Variants in PTGFRN observed in about 807,000 individuals in gnomAD.
The protein encoded by PTGFRN is prostaglandin F2 receptor negative regulator.
A neutral mutation model predicts 83.2 loss-of-function variants in PTGFRN; 35 were observed. That is an observed-to-expected ratio of 0.42 (90% CI 0.32 to 0.56). The LOEUF (loss-of-function observed/expected upper bound fraction) is 0.56, where lower values mean the gene tolerates loss of function less well. PTGFRN is among the 20% of genes least tolerant of loss of function. PTGFRN has a pLI of 0.11. For missense variants in PTGFRN, 1,051 were observed against 1,179.5 expected, an observed-to-expected ratio of 0.89 and a Z score of 1.60; for synonymous variants, 519 against 498.6, an observed-to-expected ratio of 1.04 and a Z score of -0.55.
intron 1 of PTGFRN, among the ~76,000 whole-genome samples, chr1:116,927,789 C>A (rs1458930007): frequency 1.3e-5 from 2 of 152,048 alleles, no homozygotes; most frequent in Non-Finnish European, 2.9e-5. Context: ...CCCACTTCAG[C>A]CTTCCAAAGT....
chr1:116,911,840 G>A (rs184701399), intron 1 of PTGFRN, among the ~76,000 whole-genome samples: 4 of 152,234 alleles, frequency 2.6e-5, no homozygotes, highest in Admixed American at 1.3e-4. Flanking sequence ...TTCACTCTGG[G>A]ACCCTTGTAA....
In PTGFRN at chr1:116,910,029, C is replaced by G; in HGVS notation, c.-175C>G. 1.4e-6 allele frequency: 1 copy of G among 738,430 alleles called. No individual in the cohort carries two copies. The highest frequency in any genetic ancestry group is 2.3e-6 in the Non-Finnish European group (1 of 436,864). 45.7% of individuals were successfully genotyped at this position (738,430 alleles called of 1,614,324 possible). A position where few individuals can be genotyped will look rare whatever the true frequency, so the allele number is the denominator to read the frequency against. On this transcript the variant is annotated 5_prime_UTR_variant, in exon 1 of 9. Transcript: ENST00000393203. ...GGAGGCGGGAGGGAGCGAGCGGAGCCAGGGGCGCACGTACGCCCCAGCGCT... is the reference window on the plus strand; with the variant it reads ...GGAGGCGGGAGGGAGCGAGCGGAGCGAGGGGCGCACGTACGCCCCAGCGCT...
intron 1 of PTGFRN, among the ~76,000 whole-genome samples, chr1:116,917,622 C>T (rs1649436453): frequency 1.3e-5 from 2 of 152,076 alleles, no homozygotes; most frequent in Non-Finnish European, 2.9e-5. Context: ...TCTATATGTT[C>T]CCTTGTTCCC....
intron 7 of PTGFRN, among the ~76,000 whole-genome samples, chr1:116,980,517 A>G (rs1208092977): frequency 1.3e-5 from 2 of 152,238 alleles, no homozygotes; most frequent in East Asian, 3.8e-4. Context: ...ATGGAATACT[A>G]TGCAGCCATA....
At chr1:116,969,658 T>C (rs1557747083) in intron 6 of PTGFRN, among the ~76,000 whole-genome samples, 2 of 152,178 alleles carry the variant, frequency 1.3e-5, no homozygotes, top group Non-Finnish European at 2.9e-5. Context: ...TTGATGGGGA[T>C]TGTGTTAACT....
chr1:116,970,605 C>T (rs954405700), intron 6 of PTGFRN, among the ~76,000 whole-genome samples: 10 of 152,206 alleles, frequency 6.6e-5, no homozygotes, highest in African/African-American at 1.4e-4. Flanking sequence ...CAGATAAAAC[C>T]GCTGTAGCTT....
rs1349369647 is a variant in PTGFRN, at chr1:116,914,181, GTT to G, written c.49+3931_49+3932del. Among the ~76,000 whole-genome samples the G allele has an allele frequency of 4.6e-5, 7 of 152,324 alleles. No individual in the cohort carries two copies. The South Asian group carries it at 1.5e-3, about 32-fold the overall frequency. On this transcript the variant is annotated intron_variant, in intron 1 of 8. Transcript: ENST00000393203. ...GCAGTTCTGCTGTCTTCAACTCACA[GTT>G]TCTAAGATCACTTTGGTAGTCGTCA...
At chr1:116,940,196 A>G (rs6700778) in intron 1 of PTGFRN, among the ~76,000 whole-genome samples, 22,925 of 152,200 alleles carry the variant, frequency 0.15, 1,969 homozygotes, top group African/African-American at 0.24. Flanking sequence ...TTGCCTCACA[A>G]TGCCAGAGGC....
In PTGFRN at chr1:116,984,549, G is replaced by A; in HGVS notation, c.2168-131G>A. ...GCCTTCATCATAGGGCTGTTGTGAG[G>A]ATCCAGTGAGACCGAAGGCATGTAG... is the stretch of plus-strand genomic sequence containing the variant. On this transcript the variant is annotated intron_variant, in intron 7 of 8. Transcript: ENST00000393203. 1.0e-5 allele frequency: 8 copies of A among 794,284 alleles called. No homozygotes were observed. The South Asian group carries it at 1.3e-4, about 12-fold the overall frequency. 49.2% of individuals were successfully genotyped at this position (794,284 alleles called of 1,614,324 possible).
chr1:116,986,976 G>T lies in PTGFRN; in HGVS notation c.*9G>T. The T allele has an allele frequency of 1.2e-6, 2 of 1,614,012 alleles. No individual in the cohort carries two copies. Among genetic ancestry groups the T allele is most frequent in the Non-Finnish European group, 1.7e-6 (2 of 1,179,982 alleles). ...CGATGGAGATGGACTAGGCTGGCCC[G>T]GGAGGGGAGTGACAGAGGGACGTTC... On this transcript the variant is annotated 3_prime_UTR_variant, in exon 9 of 9. Transcript: ENST00000393203.
chr1:116,944,617 C>T, intron 2 of PTGFRN, 62 bp from the exon 3 acceptor site: 10 of 1,335,782 alleles, frequency 7.5e-6, no homozygotes, highest in Non-Finnish European at 9.6e-6. Context: ...CAGCGGTGGG[C>T]TGGCCCTTGC....
At chr1:116,965,894 G>A (rs1437929037) in intron 5 of PTGFRN, among the ~76,000 whole-genome samples, 1 of 152,146 alleles carries the variant, frequency 6.6e-6, no homozygotes, top group Admixed American at 6.5e-5. Context: ...ATGAATGACC[G>A]AACTCACAGG....
intron 1 of PTGFRN, among the ~76,000 whole-genome samples, chr1:116,930,360 C>A (rs961446153): frequency 6.6e-6 from 1 of 152,056 alleles, no homozygotes; most frequent in African/African-American, 2.4e-5. Flanking sequence ...GTGGTTTTGT[C>A]CCATTCCCTC....
At chr1:116,927,972 T>C (rs758860243) in intron 1 of PTGFRN, among the ~76,000 whole-genome samples, 28 of 152,198 alleles carry the variant, frequency 1.8e-4, no homozygotes, top group Admixed American at 6.5e-5. Flanking sequence ...TGAAAGAAGA[T>C]TTCCAGATAT....
chr1:116,979,964 T>C (rs528219615), intron 7 of PTGFRN, among the ~76,000 whole-genome samples: 1 of 152,172 alleles, frequency 6.6e-6, no homozygotes, highest in Non-Finnish European at 1.5e-5. Context: ...ATTTTTGCAG[T>C]CTACTCATCT....
intron 7 of PTGFRN, among the ~76,000 whole-genome samples, chr1:116,984,347 G>A (rs1651401872): frequency 6.6e-6 from 1 of 152,032 alleles, no homozygotes; most frequent in Non-Finnish European, 1.5e-5. Context: ...GACAGTTTTT[G>A]GCCCTGACTC....
At chr1:116,959,635 G>A (rs1650591471) in intron 4 of PTGFRN, among the ~76,000 whole-genome samples, 1 of 152,172 alleles carries the variant, frequency 6.6e-6, no homozygotes, top group Non-Finnish European at 1.5e-5. Context: ...TGTTTAGGTA[G>A]TATTATTTTT....
At chr1:116,981,150 CCT>C (rs1457720906) in intron 7 of PTGFRN, among the ~76,000 whole-genome samples, 6 of 152,092 alleles carry the variant, frequency 3.9e-5, no homozygotes, top group Non-Finnish European at 8.8e-5. Flanking sequence ...AGTTGATGTC[CCT>C]CTCTCACTCT....
intron 5 of PTGFRN, 150 bp from the exon 6 acceptor site, chr1:116,966,761 G>A (rs2101079921): frequency 6.1e-6 from 5 of 815,056 alleles, no homozygotes; most frequent in Non-Finnish European, 5.6e-6. Context: ...AGATACACAT[G>A]ATTTTCTTTC....
Sources: gnomAD v4.1 joint callset for allele counts (sites outside exome capture counted in the v4.1 genomes callset) on GRCh38, gnomAD v4.1.1 for gene constraint, MANE v1.5 for transcripts, NCBI Gene and HGNC (gene_info 2026-07-23, HGNC 2026-07-21) for gene names.